The following PCDHA11 variants were observed in gnomAD, a reference collection of about 807,000 sequenced individuals.
PCDHA11 encodes the protein protocadherin alpha 11.
In PCDHA11, 61 loss-of-function variants were observed where a neutral mutation model predicts 70.3. The ratio of observed to expected loss-of-function variants is 0.87; its 90% CI spans 0.71 to 1.07. PCDHA11 has a LOEUF of 1.07. Ranked by LOEUF, PCDHA11 falls within the 50% of genes least tolerant of loss-of-function variation. The pLI is 0.00. For synonymous variants in PCDHA11, 633 were observed against 555.1 expected (o/e 1.14, Z -1.97); for missense variants, 1,324 against 1,237.5 (o/e 1.07, Z -1.05).
chr5:140,916,022 A>G (rs982398362), intron 1 of PCDHA11, among the ~76,000 whole-genome samples: 1 of 151,978 alleles, frequency 6.6e-6, no homozygotes, highest in Non-Finnish European at 1.5e-5. Context: ...AGTCTTTCCC[A>G]TTCTTCCCTC....
Position 140,927,842 on chromosome 5 carries a change from T to C in PCDHA11, c.2392-51107T>C, listed in dbSNP as rs201721848. 1.9e-6 allele frequency: 3 copies of C among 1,614,140 alleles called. No individual in the cohort carries two copies. The African/African-American group carries it at 4.0e-5, about 22-fold the overall frequency. On this transcript the variant is annotated intron_variant, in intron 1 of 3. Transcript: ENST00000398640. ...TACATTGAGGCGAGGGACGAAGGTG[T>C]CTTTGGTTTAGCTAGCACCGCTAAA... is the stretch of plus-strand genomic sequence containing the variant.
chr5:140,988,268 G>A (rs1463795699), intron 3 of PCDHA11, among the ~76,000 whole-genome samples: 3 of 152,160 alleles, frequency 2.0e-5, no homozygotes, highest in Non-Finnish European at 4.4e-5. Context: ...AGTATCCTTC[G>A]CTGTCACCTG....
chr5:140,902,846 A>C (rs1119032), intron 1 of PCDHA11, among the ~76,000 whole-genome samples: 2 of 152,088 alleles, frequency 1.3e-5, no homozygotes, highest in African/African-American at 2.4e-5. Context: ...CTTCACTTAG[A>C]AAAATGGCGT....
chr5:141,002,841 G>T (rs2098098318), intron 3 of PCDHA11, among the ~76,000 whole-genome samples: 1 of 152,196 alleles, frequency 6.6e-6, no homozygotes, highest in African/African-American at 2.4e-5. Flanking sequence ...CCAGGACTAT[G>T]CACTAGTGAG....
At chr5:140,983,642 G>A (rs954814692) in intron 3 of PCDHA11, among the ~76,000 whole-genome samples, 3 of 152,174 alleles carry the variant, frequency 2.0e-5, no homozygotes, top group African/African-American at 7.2e-5. Flanking sequence ...CCAAGTTCAC[G>A]TAGCTTGTAA....
At chr5:140,930,258 ATTTCT>A (rs1398620749) in intron 1 of PCDHA11, 6 of 152,342 alleles carry the variant, frequency 3.9e-5, no homozygotes, top group African/African-American at 1.4e-4. Flanking sequence ...CTTGGATTTA[ATTTCT>A]TTTATTTTAG....
chr5:140,986,826 A>G (rs902801115), intron 3 of PCDHA11, among the ~76,000 whole-genome samples: 1 of 152,178 alleles, frequency 6.6e-6, no homozygotes, highest in Non-Finnish European at 1.5e-5. Flanking sequence ...GGTTTAGACA[A>G]TGGTTCTCAA....
At chr5:140,994,785 A>G (rs942763350) in intron 3 of PCDHA11, among the ~76,000 whole-genome samples, 2 of 152,168 alleles carry the variant, frequency 1.3e-5, no homozygotes, top group African/African-American at 4.8e-5. Flanking sequence ...AAAGGAAACA[A>G]TGCGTGCATG....
At position 140,884,460 on chromosome 5, in the gene PCDHA11, C is replaced by T. The variant is rs782410675; in HGVS notation, c.2391+12966C>T. ...TGCTCGGCACCGCCCACCGAGGGCG[C>T]GTGCGCGCCGGGCAAGCCCACTCTA... On this transcript the variant is annotated intron_variant, in intron 1 of 3. Coordinates refer to ENST00000398640, the MANE Select transcript of PCDHA11 (RefSeq NM_018902.5). The T allele has an allele frequency of 2.5e-6, 4 of 1,613,730 alleles. No homozygotes were observed. The highest frequency in any genetic ancestry group is 3.3e-5 in the Admixed American group (2 of 59,998).
rs782751899 is a variant in PCDHA11 at position 140,967,272 on chromosome 5, T to G, written c.2392-11677T>G. The G allele has an allele frequency of 1.2e-6, 2 of 1,613,412 alleles. No homozygotes were observed. Among genetic ancestry groups the G allele is most frequent in the East Asian group, 2.2e-5 (1 of 44,860 alleles). On this transcript the variant is annotated intron_variant, in intron 1 of 3. Transcript: ENST00000398640. ...GTGGCGCCTGGAGCGCGCTTTCACA[T>G]AGAGAGTGCGCAGGACCCCGACGTG...
rs193129915 is a variant in PCDHA11 at position 140,907,396 on chromosome 5, T to C, written c.2391+35902T>C. On this transcript the variant is annotated intron_variant, in intron 1 of 3. Coordinates refer to ENST00000398640, the MANE Select transcript of PCDHA11 (RefSeq NM_018902.5). The stretch of plus-strand genomic sequence containing the variant: ...TGAGTGCCTTGGTCAAAGGCAATGC[T>C]GTGTGGAATACCACGATGGTGGATA... Among the ~76,000 whole-genome samples, 1,220 of 152,314 alleles carry C rather than the reference T, an allele frequency of 8.0e-3. 6 individuals are homozygous for C. Among genetic ancestry groups the C allele is most frequent in the African/African-American group, 0.019 (787 of 41,564 alleles).
At chr5:140,889,415 G>A (rs192243576) in intron 1 of PCDHA11, among the ~76,000 whole-genome samples, 212 of 152,058 alleles carry the variant, frequency 1.4e-3, no homozygotes, top group African/African-American at 5.0e-3. Flanking sequence ...AGTCAGTTAC[G>A]TAGATAATAT....
chr5:141,009,116 T>C (rs1382527068), intron 3 of PCDHA11, among the ~76,000 whole-genome samples: 1 of 152,236 alleles, frequency 6.6e-6, no homozygotes, highest in African/African-American at 2.4e-5. Flanking sequence ...TGAAACTAGA[T>C]TCTTGGTATC....
In PCDHA11 at chr5:140,870,494, A is replaced by G. The variant is rs782779572; in HGVS notation, c.1391A>G (p.Lys464Arg). The change falls in exon 1 of 4, where the codon AAG (lysine) becomes AGG (arginine). Residue 464 changes from lysine to arginine, a missense_variant. Lys to Arg is a conservative substitution (Grantham distance 26, BLOSUM62 2). Transcript: ENST00000398640. ...FAQPEYTVFV[K>R]ENNPPGCHIF... is the part of the protein sequence containing the mutation. ...CAGCCCGAGTACACCGTGTTCGTGAAGGAGAACAACCCACCAGGCTGCCAC... is the reference window on the plus strand; with the variant it reads ...CAGCCCGAGTACACCGTGTTCGTGAGGGAGAACAACCCACCAGGCTGCCAC... 6.2e-7 allele frequency: 1 copy of G among 1,614,236 alleles called. No individual in the cohort carries two copies. Among genetic ancestry groups the G allele is most frequent in the South Asian group, 1.1e-5 (1 of 91,090 alleles).
At position 140,900,569 on chromosome 5, in the gene PCDHA11, A is replaced by AC. The variant is rs201845192; in HGVS notation, c.2391+29077dup. 8.0e-3 allele frequency among the ~76,000 whole-genome samples: 1,218 copies of AC among 152,298 alleles called. 6 individuals carry two copies. Among genetic ancestry groups the AC allele is most frequent in the African/African-American group, 0.019 (786 of 41,566 alleles). On this transcript the variant is annotated intron_variant, in intron 1 of 3. Coordinates refer to ENST00000398640, the MANE Select transcript of PCDHA11 (RefSeq NM_018902.5). The stretch of plus-strand genomic sequence containing the variant: ...TGGGATTACAGGCGTGAGCCACGGC[A>AC]CCGGCCCATTTTCTTTACCCGTTCA...
intron 2 of PCDHA11, among the ~76,000 whole-genome samples, chr5:140,981,379 G>C (rs1387904235): frequency 6.6e-6 from 1 of 152,152 alleles, no homozygotes; most frequent in Non-Finnish European, 1.5e-5. Context: ...TTCAAGACCA[G>C]CCTGGTCAAT....
At chr5:140,927,868 C>T (rs782143210) in intron 1 of PCDHA11, 2 of 1,614,220 alleles carry the variant, frequency 1.2e-6, no homozygotes, top group Admixed American at 1.7e-5. Flanking sequence ...CACCGCTAAA[C>T]TGCTGGTGGA....
At chr5:140,991,847 G>A (rs1375292594) in intron 3 of PCDHA11, among the ~76,000 whole-genome samples, 1 of 152,162 alleles carries the variant, frequency 6.6e-6, no homozygotes, top group African/African-American at 2.4e-5. Flanking sequence ...CGCACTTCCA[G>A]ATACCAAAAT....
intron 1 of PCDHA11, chr5:140,969,187 G>A (rs1469342094): frequency 1.2e-6 from 2 of 1,614,106 alleles, no homozygotes; most frequent in Non-Finnish European, 8.5e-7. Context: ...ACACTTTCAT[G>A]TTTTACAATA....
Sources: allele counts gnomAD v4.1 joint callset (sites outside exome capture counted in the v4.1 genomes callset), GRCh38; gene constraint gnomAD v4.1.1; transcripts MANE v1.5; gene names NCBI Gene and HGNC (gene_info 2026-07-23, HGNC 2026-07-21).